Variants in SHANK2 observed in about 807,000 individuals in gnomAD.
SHANK2 encodes SH3 and multiple ankyrin repeat domains 2, also known as SH3 and multiple ankyrin repeat domains protein 2.
Under a neutral mutation model 133.7 loss-of-function variants are expected in SHANK2, and 43 were observed. The observed-to-expected ratio is 0.32, with a 90% confidence interval of 0.25 to 0.41. The LOEUF is 0.41. SHANK2 is among the 10% of genes least tolerant of loss of function. The pLI is 1.00. For missense variants in SHANK2, 1,994 were observed against 2,235.8 expected, an observed-to-expected ratio of 0.89 and a Z score of 2.18; for synonymous variants, 1,017 against 952.8, an observed-to-expected ratio of 1.07 and a Z score of -1.24.
intron 1 of SHANK2, among the ~76,000 whole-genome samples, chr11:71,233,398 C>T (rs533828700): frequency 4.5e-4 from 69 of 152,222 alleles, no homozygotes; most frequent in African/African-American, 1.4e-3. Context: ...ATTCCATTTA[C>T]GTAAGATGCT....
chr11:70,894,094 T>C (rs1949895702), intron 11 of SHANK2, among the ~76,000 whole-genome samples: 2 of 152,242 alleles, frequency 1.3e-5, no homozygotes, highest in Non-Finnish European at 2.9e-5. Context: ...CATAATTATA[T>C]CCCAAAACTG....
At chr11:71,216,745 G>A (rs1011684077) in intron 2 of SHANK2, among the ~76,000 whole-genome samples, 3 of 152,190 alleles carry the variant, frequency 2.0e-5, no homozygotes, top group Non-Finnish European at 2.9e-5. Context: ...TCACGCGTCT[G>A]TGATGCTGCT....
At chr11:71,129,720 T>C (rs1314731461) in intron 3 of SHANK2, among the ~76,000 whole-genome samples, 1 of 152,192 alleles carries the variant, frequency 6.6e-6, no homozygotes, top group African/African-American at 2.4e-5. Context: ...ACAAGTATTC[T>C]GCAAGGTGAG....
intron 17 of SHANK2, among the ~76,000 whole-genome samples, chr11:70,505,171 G>A (rs529065806): frequency 2.0e-4 from 31 of 152,310 alleles, no homozygotes; most frequent in Admixed American, 8.5e-4. Context: ...CAGTGTGGGC[G>A]GAGTCATGGA....
chr11:71,173,906 C>T (rs1356966683), intron 2 of SHANK2, among the ~76,000 whole-genome samples: 4 of 152,208 alleles, frequency 2.6e-5, no homozygotes, highest in Non-Finnish European at 4.4e-5. Context: ...AGGAAGGACC[C>T]TCCTCTAGAG....
intron 2 of SHANK2, among the ~76,000 whole-genome samples, chr11:71,157,651 T>C (rs1329792061): frequency 1.3e-5 from 2 of 152,182 alleles, no homozygotes; most frequent in African/African-American, 4.8e-5. Flanking sequence ...AAAGAGCACA[T>C]GATTTATAAA....
rs114668112 is a variant in SHANK2 at position 70,926,275 on chromosome 11, G to A, written c.1108-29708C>T. Among the ~76,000 whole-genome samples the A allele has an allele frequency of 5.4e-3, 830 of 152,298 alleles. 6 individuals carry two copies. Among genetic ancestry groups the A allele is most frequent in the African/African-American group, 0.019 (791 of 41,548 alleles). ...ACCAAACAAAAATTAGCTGAACATG[G>A]TGATACGTGCCTGTAGTCCCAGCTA... On this transcript the variant is annotated intron_variant, in intron 10 of 25. Transcript: ENST00000601538.
At chr11:70,594,877 C>A (rs2060376129) in intron 17 of SHANK2, among the ~76,000 whole-genome samples, 2 of 152,160 alleles carry the variant, frequency 1.3e-5, no homozygotes, top group South Asian at 2.1e-4. Flanking sequence ...GCAGCCCATG[C>A]CCCTCTGCAT....
intron 10 of SHANK2, among the ~76,000 whole-genome samples, chr11:70,919,321 T>C (rs1950315071): frequency 6.6e-6 from 1 of 152,082 alleles, no homozygotes; most frequent in Non-Finnish European, 1.5e-5. Context: ...ATACAATGCA[T>C]TGTTAACTGT....
intron 11 of SHANK2, among the ~76,000 whole-genome samples, chr11:70,832,477 C>A (rs1311587248): frequency 2.6e-5 from 4 of 152,190 alleles, no homozygotes; most frequent in African/African-American, 7.2e-5. Flanking sequence ...CCAGGAGCCT[C>A]CCAGCTTCTC....
At chr11:70,636,794 G>A (rs981801564) in intron 17 of SHANK2, among the ~76,000 whole-genome samples, 13 of 152,044 alleles carry the variant, frequency 8.6e-5, no homozygotes, top group Admixed American at 1.3e-4. Flanking sequence ...ATGTGTGAGC[G>A]TGTGTGTGAA....
In SHANK2 at chr11:70,873,002, G is replaced by A. The variant is rs933947298; in HGVS notation, c.1174+23499C>T. 3 of 471,238 alleles carry A rather than the reference G, an allele frequency of 6.4e-6. No individual in the cohort carries two copies. The Admixed American group carries it at 7.1e-5, about 11-fold the overall frequency. The allele number at this position is 471,238 out of a possible 1,614,324, so 29.2% of individuals were successfully genotyped here. A position where few individuals can be genotyped will look rare whatever the true frequency, so the allele number is the denominator to read the frequency against. ...ACATTACAAAAGCTAAAGACATCCT[G>A]GGCACCTGTGAGAAAGGAAGAGCGG... On this transcript the variant is annotated intron_variant, in intron 11 of 25. Coordinates refer to ENST00000601538, the MANE Select transcript of SHANK2 (RefSeq NM_012309.5).
intron 17 of SHANK2, among the ~76,000 whole-genome samples, chr11:70,552,615 C>T (rs2059783894): frequency 1.3e-5 from 2 of 152,202 alleles, no homozygotes; most frequent in Non-Finnish European, 2.9e-5. Context: ...CCTGGGCAAG[C>T]CGCGGGCCAC....
chr11:70,549,549 G>A (rs1373794619), intron 17 of SHANK2, among the ~76,000 whole-genome samples: 1 of 152,244 alleles, frequency 6.6e-6, no homozygotes, highest in Non-Finnish European at 1.5e-5. Context: ...GGTGCTCGAG[G>A]CAGTGTGGCC....
intron 14 of SHANK2, among the ~76,000 whole-genome samples, chr11:70,751,592 T>C (rs1477689714): frequency 1.3e-5 from 2 of 152,176 alleles, no homozygotes; most frequent in African/African-American, 4.8e-5. Context: ...ACAGACAAAA[T>C]GGTCAATATC....
chr11:70,734,828 C>A (rs776533397), intron 14 of SHANK2, among the ~76,000 whole-genome samples: 222 of 152,200 alleles, frequency 1.5e-3, no homozygotes, highest in Non-Finnish European at 2.7e-3. Context: ...GCGATGAGGA[C>A]CCTTGGGGAC....
chr11:70,953,813 G>A (rs1950878714), intron 10 of SHANK2, among the ~76,000 whole-genome samples: 1 of 152,210 alleles, frequency 6.6e-6, no homozygotes, highest in Non-Finnish European at 1.5e-5. Context: ...TCAAGTTGAT[G>A]TGTAACATTA....
intron 3 of SHANK2, among the ~76,000 whole-genome samples, chr11:71,141,499 C>T (rs1423087245): frequency 2.6e-5 from 4 of 152,090 alleles, no homozygotes; most frequent in Admixed American, 6.6e-5. Flanking sequence ...GAGAGCGAGA[C>T]TCTTTCTCAA....
intron 17 of SHANK2, among the ~76,000 whole-genome samples, chr11:70,567,813 AC>A (rs1278273591): frequency 3.3e-5 from 5 of 152,098 alleles, no homozygotes; most frequent in African/African-American, 1.2e-4. Context: ...TGTCCCAGCC[AC>A]CCTGTCTGTG....
Sources: allele counts gnomAD v4.1 joint callset (sites outside exome capture counted in the v4.1 genomes callset), GRCh38; gene constraint gnomAD v4.1.1; transcripts MANE v1.5; gene names NCBI Gene and HGNC (gene_info 2026-07-23, HGNC 2026-07-21).